CUZD1: variants seen among roughly 807,000 people sequenced by gnomAD.
CUZD1 encodes the protein CUB and zona pellucida-like domain-containing protein 1.
In CUZD1, 42 loss-of-function variants were observed where a neutral mutation model predicts 53.1. The ratio of observed to expected loss-of-function variants is 0.79; its 90% confidence interval spans 0.62 to 1.02. The LOEUF is 1.02. CUZD1 is among the 50% of genes least tolerant of loss of function. CUZD1 has a pLI of 0.00. For synonymous variants in CUZD1, 238 were observed against 257.2 expected (o/e 0.93, Z 0.71); for missense variants, 670 against 715.7 (o/e 0.94, Z 0.73).
chr10:122,843,995 C>CTA (rs994715131), intron 1 of CUZD1, among the ~76,000 whole-genome samples: 4 of 146,990 alleles, frequency 2.7e-5, no homozygotes, highest in African/African-American at 1.0e-4. Flanking sequence ...TATAGAGAGA[C>CTA]TATATATATA....
chr10:122,832,447 A>T lies in CUZD1; in HGVS notation c.1655T>A (p.Phe552Tyr), dbSNP rs1240673299. The change falls in exon 9 of 9, where the codon TTT (phenylalanine) becomes TAT (tyrosine). Residue 552 changes from phenylalanine to tyrosine, a missense_variant. Physicochemically the swap from Phe to Tyr is conservative, Grantham distance 22. Transcript: ENST00000392790. ...TTCTTCCGCATGTGTTTCATGCTGA[A>T]ATCCTAAAATTGGAAACAAGATGAA... ...RDRSASGNSG[F>Y]QHETHAEETP... is the part of the protein sequence containing the mutation. 6.2e-7 allele frequency: 1 copy of T among 1,612,514 alleles called. No homozygotes were observed. The highest frequency in any genetic ancestry group is 1.1e-5 in the South Asian group (1 of 90,836).
Position 122,839,221 on chromosome 10 carries a change from C to G in CUZD1, c.244G>C (p.Asp82His), listed in dbSNP as rs779646649. The change falls in exon 3 of 9, where the codon GAT (aspartate) becomes CAT (histidine). Residue 82 changes from aspartate to histidine, a missense_variant. Transcript: ENST00000392790. ...ATGTTTTCACTTTCACAGCTTCCAT[C>G]TGGATCAAGCCTGTGGAAAAAACAC... ...IIFSYVQLDP[D>H]GSCESENIKV... 2.5e-6 allele frequency: 4 copies of G among 1,613,914 alleles called. No homozygotes were observed. The South Asian group carries it at 3.3e-5, about 13-fold the overall frequency.
chr10:122,840,595 C>T (rs994449598), intron 2 of CUZD1, among the ~76,000 whole-genome samples: 24 of 152,240 alleles, frequency 1.6e-4, no homozygotes, highest in African/African-American at 5.3e-4. Flanking sequence ...AAACACTGAG[C>T]GTCTCTGCAG....
intron 1 of CUZD1, among the ~76,000 whole-genome samples, chr10:122,845,092 T>TA (rs1491228963): frequency 7.3e-6 from 1 of 137,176 alleles, no homozygotes; most frequent in Non-Finnish European, 1.6e-5. Flanking sequence ...TTTTTTTTTT[T>TA]ATGAGACGGA....
chr10:122,837,744 AG>A (rs1847276272), intron 3 of CUZD1, 190 bp from the exon 4 acceptor site: 1 of 515,510 alleles, frequency 1.9e-6, no homozygotes, highest in Non-Finnish European at 3.3e-6. Flanking sequence ...CAGGGCAGAG[AG>A]GGAATCTTTA....
At position 122,839,118 on chromosome 10, in the gene CUZD1, A is replaced by C; in HGVS notation, c.347T>G (p.Phe116Cys). 1 of 1,614,180 alleles carries C rather than the reference A, an allele frequency of 6.2e-7. No individual in the cohort carries two copies. Among genetic ancestry groups the C allele is most frequent in the African/African-American group, 1.3e-5 (1 of 75,060 alleles). ...VCSKNDYVPV[F>C]ESSSSTLTFQ... is the part of the protein sequence containing the mutation. ...CGTCAATGTACTGGATGATGATTCA[A>C]ATACAGGAACATAGTCGTTTTTACT... Residue 116 changes from phenylalanine to cysteine, a missense_variant, in exon 3 of 9, where the codon TTT becomes TGT. Transcript: ENST00000392790.
intron 2 of CUZD1, 145 bp downstream of exon 2, chr10:122,841,033 C>T (rs1177782520): frequency 3.9e-6 from 3 of 764,670 alleles, no homozygotes; most frequent in African/African-American, 3.5e-5. Flanking sequence ...AGCCATCATC[C>T]TCATCACCAT....
chr10:122,837,590 CA>C (rs761991966), intron 3 of CUZD1, 36 bp from the exon 4 acceptor site: 9 of 1,520,966 alleles, frequency 5.9e-6, no homozygotes, highest in Non-Finnish European at 7.9e-6. Context: ...GAATGAACAT[CA>C]AAATAGAGAC....
intron 1 of CUZD1, among the ~76,000 whole-genome samples, chr10:122,845,172 G>A (rs1232789669): frequency 1.3e-5 from 2 of 151,602 alleles, no homozygotes; most frequent in Non-Finnish European, 2.9e-5. Flanking sequence ...CACCTCTCGG[G>A]TTCAAGCGAT....
Position 122,845,772 on chromosome 10 carries a change from C to G in CUZD1, c.72G>C (p.Ala24=). The G allele has an allele frequency of 6.2e-7, 1 of 1,613,702 alleles. No homozygotes were observed. The highest frequency in any genetic ancestry group is 8.5e-7 in the Non-Finnish European group (1 of 1,179,816). The change falls in exon 1 of 9, where the codon GCG becomes GCC. Residue 24 remains alanine, a synonymous_variant. Transcript: ENST00000392790. ...GTTCAATTTTCTTACCTTCAGCCTC[C>G]GCCATTGTCAGCTCCGCCAAACAGG... ...ILSCLAELTM[A]EAEGNASCTV...
In CUZD1 at chr10:122,836,367, A is replaced by C. The variant is rs770179009; in HGVS notation, c.818-17T>G. ...TTAAAGATGCTGTCAGGAAAAAAAA[A>C]AAAAAAAGAATGGTCATGTTTATGC... On this transcript the variant is annotated splice_polypyrimidine_tract_variant and intron_variant, in intron 5 of 8. Transcript: ENST00000392790. The C allele has an allele frequency of 6.5e-7, 1 of 1,541,694 alleles. No homozygotes were observed. Among genetic ancestry groups the C allele is most frequent in the Non-Finnish European group, 8.7e-7 (1 of 1,152,980 alleles).
At position 122,832,171 on chromosome 10, in the gene CUZD1, G is replaced by A. The variant is rs1847171640; in HGVS notation, c.*107C>T. 3.6e-6 allele frequency: 4 copies of A among 1,105,862 alleles called. No homozygotes were observed. Among genetic ancestry groups the A allele is most frequent in the Admixed American group, 4.0e-5 (2 of 50,420 alleles). 68.5% of individuals were successfully genotyped at this position (1,105,862 alleles called of 1,614,324 possible). The stretch of plus-strand genomic sequence containing the variant: ...GACACAGTGACATGCAGGCCTGTGT[G>A]TCACTTTCAGGCCCTTCCTCATTTA... On this transcript the variant is annotated 3_prime_UTR_variant, in exon 9 of 9. Transcript: ENST00000392790.
chr10:122,836,383 AT>A, intron 5 of CUZD1, 33 bp from the exon 6 acceptor site: 2 of 1,497,760 alleles, frequency 1.3e-6, no homozygotes, highest in Non-Finnish European at 1.8e-6. Context: ...AAGAATGGTC[AT>A]GTTTATGCCA....
intron 5 of CUZD1, 128 bp downstream of exon 5, chr10:122,836,703 A>G: frequency 1.5e-6 from 1 of 685,940 alleles, no homozygotes; most frequent in Non-Finnish European, 2.5e-6. Context: ...AAGATTATGA[A>G]TATGTTCCCA....
intron 5 of CUZD1, 23 bp from the exon 6 acceptor site, chr10:122,836,373 A>AGAAGGTAGAGAGAGAGGGGT: frequency 7.0e-7 from 1 of 1,433,168 alleles, no homozygotes; most frequent in South Asian, 1.4e-5. Context: ...AAAAAAAAAA[A>AGAAGGTAGAGAGAGAGGGGT]AGAATGGTCA....
chr10:122,832,489 G>C, intron 8 of CUZD1, 39 bp from the exon 9 acceptor site: 1 of 1,593,950 alleles, frequency 6.3e-7, no homozygotes, highest in Non-Finnish European at 8.6e-7. Context: ...TTTTTAAGAA[G>C]TGTTCACATT....
rs750738667 is a variant in CUZD1, at chr10:122,839,014, T to TA, written c.448+2dup. ...GGTGAAGGTTGTGTAAATGAGGACT[T>TA]ACAGATGTTAGGAGAGAAGAAGTAG... On this transcript the variant is annotated splice_region_variant and intron_variant, in intron 3 of 8. Transcript: ENST00000392790. The TA allele has an allele frequency of 1.2e-5, 19 of 1,610,556 alleles. No individual in the cohort carries two copies. In the Admixed American group the frequency reaches 2.2e-4, roughly 18 times the overall value.
chr10:122,839,172 C>G lies in CUZD1; in HGVS notation c.293G>C (p.Ser98Thr). 1 of 1,614,154 alleles carries G rather than the reference C, an allele frequency of 6.2e-7. No homozygotes were observed. Among genetic ancestry groups the G allele is most frequent in the Non-Finnish European group, 8.5e-7 (1 of 1,179,998 alleles). Residue 98 changes from serine to threonine, a missense_variant, in exon 3 of 9, where the codon AGC (serine) becomes ACC (threonine). Transcript: ENST00000392790. ...ENIKVFDGTS[S>T]NGPLLGQVCS... ...GACTTGCCCTAGCAGAGGCCCATTGCTGGAGGTTCCGTCAAAGACTTTAAT... is the reference window on the plus strand; with the variant it reads ...GACTTGCCCTAGCAGAGGCCCATTGGTGGAGGTTCCGTCAAAGACTTTAAT...
chr10:122,836,497 C>T, intron 5 of CUZD1, 147 bp from the exon 6 acceptor site: 1 of 691,808 alleles, frequency 1.4e-6, no homozygotes, highest in Non-Finnish European at 2.3e-6. Context: ...GATAGCCAAG[C>T]AATTGATTCA....
Sources: gnomAD v4.1 joint callset for allele counts (sites outside exome capture counted in the v4.1 genomes callset) on GRCh38, gnomAD v4.1.1 for gene constraint, MANE v1.5 for transcripts, NCBI Gene and HGNC (gene_info 2026-07-23, HGNC 2026-07-21) for gene names.